Variants in PRMT7 observed in about 807,000 individuals in gnomAD.
The protein encoded by PRMT7 is protein arginine methyltransferase 7, also known as protein arginine N-methyltransferase 7.
A neutral mutation model predicts 85.4 loss-of-function variants in PRMT7; 75 were observed. That is an observed-to-expected ratio of 0.88 (90% CI 0.73 to 1.06). PRMT7 has a LOEUF of 1.06. PRMT7 is among the 50% of genes least tolerant of loss of function. The pLI, the probability that PRMT7 is intolerant of heterozygous loss-of-function variation, is 0.00. For missense variants in PRMT7, 868 were observed against 915.2 expected, an observed-to-expected ratio of 0.95 and a Z score of 0.67; for synonymous variants, 397 against 359.5, an observed-to-expected ratio of 1.10 and a Z score of -1.18.
chr16:68,346,398 T>C, intron 11 of PRMT7, 118 bp downstream of exon 11: 1 of 1,456,098 alleles, frequency 6.9e-7, no homozygotes, highest in South Asian at 1.3e-5. Flanking sequence ...TGTCTATGAG[T>C]GGCTTCAGCG....
chr16:68,327,111 CTG>C (rs1016990758), intron 5 of PRMT7, among the ~76,000 whole-genome samples: 5 of 152,194 alleles, frequency 3.3e-5, no homozygotes, highest in Admixed American at 6.5e-5. Flanking sequence ...AATTGCACAA[CTG>C]GAGCTGCTCA....
intron 6 of PRMT7, among the ~76,000 whole-genome samples, chr16:68,335,066 G>C (rs979871138): frequency 1.3e-5 from 2 of 152,144 alleles, no homozygotes; most frequent in African/African-American, 4.8e-5. Flanking sequence ...CAAAGTGCTG[G>C]AATTACAGGT....
At chr16:68,336,046 G>A (rs577085127) in intron 6 of PRMT7, among the ~76,000 whole-genome samples, 1 of 152,240 alleles carries the variant, frequency 6.6e-6, no homozygotes, top group Admixed American at 6.5e-5. Context: ...CAAAGTGCTG[G>A]GATTACAGGC....
At chr16:68,314,682 G>A (rs2044445207) in intron 2 of PRMT7, among the ~76,000 whole-genome samples, 2 of 152,202 alleles carry the variant, frequency 1.3e-5, no homozygotes, top group South Asian at 2.1e-4. Context: ...ATGCACCAAT[G>A]TTTAACAAGA....
chr16:68,316,433 A>G (rs954869116), intron 3 of PRMT7, among the ~76,000 whole-genome samples: 26 of 152,128 alleles, frequency 1.7e-4, no homozygotes, highest in African/African-American at 6.0e-4. Context: ...AAAAAATGAA[A>G]ATGGTTTTTT....
At chr16:68,338,792 G>T (rs377533683) in intron 7 of PRMT7, among the ~76,000 whole-genome samples, 8 of 152,172 alleles carry the variant, frequency 5.3e-5, no homozygotes, top group Admixed American at 1.3e-4. Context: ...GCTCTTGCCG[G>T]GTCCCTATTG....
chr16:68,326,236 G>A (rs1313101885), intron 5 of PRMT7, among the ~76,000 whole-genome samples: 2 of 152,150 alleles, frequency 1.3e-5, no homozygotes, highest in African/African-American at 2.4e-5. Flanking sequence ...TAGTGATTGA[G>A]TTGGAAATAA....
chr16:68,313,838 C>T (rs1024917584), intron 2 of PRMT7, among the ~76,000 whole-genome samples: 4 of 152,100 alleles, frequency 2.6e-5, no homozygotes, highest in East Asian at 1.9e-4. Context: ...GGGAGGCTGA[C>T]GTAGGAGGAT....
intron 6 of PRMT7, among the ~76,000 whole-genome samples, chr16:68,330,815 G>A (rs576845761): frequency 4.6e-5 from 7 of 152,074 alleles, no homozygotes; most frequent in African/African-American, 1.4e-4. Context: ...GGCTAGTCCC[G>A]AACTCCTGAC....
At chr16:68,314,942 T>G (rs1370668453) in intron 2 of PRMT7, among the ~76,000 whole-genome samples, 1 of 152,032 alleles carries the variant, frequency 6.6e-6, no homozygotes, top group African/African-American at 2.4e-5. Flanking sequence ...AAAATTTGAA[T>G]AGATAAGAAG....
At chr16:68,331,439 T>G (rs2083880350) in intron 6 of PRMT7, among the ~76,000 whole-genome samples, 1 of 151,832 alleles carries the variant, frequency 6.6e-6, no homozygotes, top group African/African-American at 2.4e-5. Context: ...GTATATTTAG[T>G]AAACTTTTCA....
chr16:68,342,621 C>T (rs563006898), intron 9 of PRMT7, among the ~76,000 whole-genome samples: 1 of 152,228 alleles, frequency 6.6e-6, no homozygotes, highest in Non-Finnish European at 1.5e-5. Flanking sequence ...TCACCTACCC[C>T]ATTCCCAGAG....
chr16:68,330,119 C>A (rs1352685967), intron 6 of PRMT7, among the ~76,000 whole-genome samples: 1 of 152,050 alleles, frequency 6.6e-6, no homozygotes, highest in African/African-American at 2.4e-5. Flanking sequence ...GTCTTGAACC[C>A]CTGACCTCAG....
chr16:68,359,470 C>G (rs948057290), downstream of PRMT7: 1 of 152,672 alleles, frequency 6.5e-6, no homozygotes, highest in Middle Eastern at 3.2e-3. Context: ...CAAGGACGCA[C>G]GTCCTAGCGC....
chr16:68,313,909 G>A (rs985239556), intron 2 of PRMT7, among the ~76,000 whole-genome samples: 1 of 152,180 alleles, frequency 6.6e-6, no homozygotes, highest in Non-Finnish European at 1.5e-5. Context: ...AATAGCCACT[G>A]TGATCCAACC....
intron 14 of PRMT7, 49 bp downstream of exon 14, chr16:68,348,480 A>T (rs2086742854): frequency 6.8e-7 from 1 of 1,478,872 alleles, no homozygotes; most frequent in East Asian, 2.3e-5. Flanking sequence ...TAGGGTGGTC[A>T]GCACGGCACT....
At chr16:68,322,101 G>C (rs149738659) in intron 4 of PRMT7, among the ~76,000 whole-genome samples, 5 of 152,124 alleles carry the variant, frequency 3.3e-5, no homozygotes, top group Admixed American at 3.3e-4. Flanking sequence ...CTAGTATTGG[G>C]ATAATACTAT....
Position 68,324,833 on chromosome 16 carries a change from G to A in PRMT7, c.282+1G>A, listed in dbSNP as rs768950720. 2 of 1,613,850 alleles carry A rather than the reference G, an allele frequency of 1.2e-6. No individual in the cohort carries two copies. Among genetic ancestry groups the A allele is most frequent in the Admixed American group, 1.7e-5 (1 of 60,008 alleles). On this transcript the variant is annotated splice_donor_variant, in intron 5 of 18. Coordinates refer to ENST00000441236, the MANE Select transcript of PRMT7 (RefSeq NM_019023.5). LOFTEE classifies it high-confidence loss of function. ...TGCCGACTTCTGCTATGCCATCGAG[G>A]TAAGCCATTCCCTTCAGGTGTGTGT...
At position 68,315,974 on chromosome 16, in the gene PRMT7, G is replaced by T; in HGVS notation, c.-6G>T. The T allele has an allele frequency of 6.2e-7, 1 of 1,613,274 alleles. No homozygotes were observed. Among genetic ancestry groups the T allele is most frequent in the Non-Finnish European group, 8.5e-7 (1 of 1,179,730 alleles). ...CTGTGCTAAAACTGGGGAGCTAGTGGGCACCATGAAGATCTTCTGCAGTCG... is the reference window on the plus strand; with the variant it reads ...CTGTGCTAAAACTGGGGAGCTAGTGTGCACCATGAAGATCTTCTGCAGTCG... On this transcript the variant is annotated 5_prime_UTR_variant, in exon 3 of 19. Coordinates refer to ENST00000441236, the MANE Select transcript of PRMT7 (RefSeq NM_019023.5).
Sources: allele counts gnomAD v4.1 joint callset (sites outside exome capture counted in the v4.1 genomes callset), GRCh38; gene constraint gnomAD v4.1.1; transcripts MANE v1.5; gene names NCBI Gene and HGNC (gene_info 2026-07-23, HGNC 2026-07-21).